ALDH1L2: variants seen among roughly 807,000 people sequenced by gnomAD.
ALDH1L2 encodes the protein aldehyde dehydrogenase 1 family member L2, also known as mitochondrial 10-formyltetrahydrofolate dehydrogenase.
A neutral mutation model predicts 111.0 loss-of-function variants in ALDH1L2; 91 were observed. That is an observed-to-expected ratio of 0.82 (90% CI 0.69 to 0.98). The LOEUF is 0.98. Among genes scored for constraint, ALDH1L2 ranks in the 50% least tolerant of loss-of-function variants. ALDH1L2 has a pLI of 0.00. For missense variants in ALDH1L2, 995 were observed against 1,126.8 expected (o/e 0.88, Z 1.67); for synonymous variants, 374 against 392.6 (o/e 0.95, Z 0.56).
intron 1 of ALDH1L2, among the ~76,000 whole-genome samples, chr12:105,080,148 C>G (rs931711088): frequency 3.3e-5 from 5 of 152,236 alleles, no homozygotes; most frequent in Admixed American, 1.3e-4. Context: ...TTCTCAGATA[C>G]CTACAAGTGA....
chr12:105,046,704 C>G lies in ALDH1L2; in HGVS notation c.1863+6G>C, dbSNP rs749672203. The G allele has an allele frequency of 1.9e-6, 3 of 1,613,302 alleles. No individual in the cohort carries two copies. In the African/African-American group the frequency reaches 4.0e-5, roughly 22 times the overall value. ...CAATTCTGCACCTGGCCCTTTGTGG[C>G]CTTACCTGTGCTGGCTTGAGCACTA... is the stretch of plus-strand genomic sequence containing the variant. On this transcript the variant is annotated splice_donor_region_variant and intron_variant, in intron 15 of 22. Coordinates refer to ENST00000258494, the MANE Select transcript of ALDH1L2 (RefSeq NM_001034173.4).
At chr12:105,029,040 T>C (rs1031462467) in intron 21 of ALDH1L2, among the ~76,000 whole-genome samples, 2 of 151,634 alleles carry the variant, frequency 1.3e-5, no homozygotes, top group Non-Finnish European at 2.9e-5. Flanking sequence ...TTTTTTTTTT[T>C]TTTAGAGGCC....
chr12:105,070,489 G>A, intron 3 of ALDH1L2, 81 bp downstream of exon 3: 1 of 1,165,220 alleles, frequency 8.6e-7, no homozygotes, highest in African/African-American at 1.6e-5. Context: ...AGGATCATTT[G>A]AGCCCAGGAG....
At position 105,068,868 on chromosome 12, in the gene ALDH1L2, C is replaced by A; in HGVS notation, c.445G>T (p.Asp149Tyr). 6.3e-7 allele frequency: 1 copy of A among 1,578,604 alleles called. No homozygotes were observed. Among genetic ancestry groups the A allele is most frequent in the Non-Finnish European group, 8.6e-7 (1 of 1,166,918 alleles). Residue 149 changes from aspartate (D) to tyrosine (Y), a missense_variant, in exon 4 of 23, where the codon GAT becomes TAT. Asp to Tyr is a radical substitution (Grantham distance 160, BLOSUM62 -3). Coordinates refer to ENST00000258494, the MANE Select transcript of ALDH1L2 (RefSeq NM_001034173.4). The stretch of plus-strand genomic sequence containing the variant: ...AAAACAGAAAACCCAGCTTTCTTAT[C>A]TCCCATAATTAGAGTCCTGTGAAAA... ...SAINWTLIMG[D>Y]KKAGFSVFWA...
intron 10 of ALDH1L2, among the ~76,000 whole-genome samples, chr12:105,057,501 C>G (rs76979651): frequency 6.6e-6 from 1 of 152,094 alleles, no homozygotes; most frequent in African/African-American, 2.4e-5. Context: ...AAGGTAGAAA[C>G]AACCCAAATG....
chr12:105,062,649 C>T (rs530006519), intron 7 of ALDH1L2, among the ~76,000 whole-genome samples: 23 of 152,278 alleles, frequency 1.5e-4, no homozygotes, highest in Middle Eastern at 3.4e-3. Context: ...CCAAGACCAG[C>T]GAGTGGGAAG....
At chr12:105,075,108 A>C (rs959916135) in intron 1 of ALDH1L2, among the ~76,000 whole-genome samples, 1 of 152,208 alleles carries the variant, frequency 6.6e-6, no homozygotes, top group African/African-American at 2.4e-5. Flanking sequence ...ACCTTACAAA[A>C]ATTTTGGCTT....
chr12:105,073,737 C>T, intron 2 of ALDH1L2, 124 bp downstream of exon 2: 1 of 1,351,330 alleles, frequency 7.4e-7, no homozygotes, highest in South Asian at 1.4e-5. Flanking sequence ...TCTTTTCCTT[C>T]CTGCTTGCTG....
rs897702512 is a variant in ALDH1L2 at position 105,066,592 on chromosome 12, A to G, written c.672T>C (p.Gly224=). The part of the protein sequence containing the change: ...PQPEEGATYE[G]IQKKENAEIS... ...CCTCAGCATTTTCCTTTTTCTGGAT[A>G]CCTTCATATGTTGCCCCTTCTTCTG... Residue 224 remains glycine (G), a synonymous_variant, in exon 5 of 23, where the codon GGT becomes GGC. Transcript: ENST00000258494. 6.2e-7 allele frequency: 1 copy of G among 1,614,136 alleles called. No homozygotes were observed. The highest frequency in any genetic ancestry group is 2.2e-5 in the East Asian group (1 of 44,886).
intron 18 of ALDH1L2, among the ~76,000 whole-genome samples, chr12:105,036,744 C>T (rs1456831988): frequency 6.6e-6 from 1 of 151,228 alleles, no homozygotes; most frequent in Non-Finnish European, 1.5e-5. Context: ...CCTGTGCATA[C>T]ATTTTATCTT....
Position 105,030,364 on chromosome 12 carries a change from ATTCCTCT to A in ALDH1L2, c.2469_2475del (p.Lys823AsnfsTer40). 1 of 1,613,750 alleles carries A rather than the reference ATTCCTCT, an allele frequency of 6.2e-7. No homozygotes were observed. Among genetic ancestry groups the A allele is most frequent in the South Asian group, 1.1e-5 (1 of 91,020 alleles). ...GAAATGACCATAATAGGCCCAAAGG[ATTCCTCT>A]TTGGCGAGGTACATGTAGTCTTCCA... On this transcript the variant is annotated frameshift_variant, in exon 21 of 23. Coordinates refer to ENST00000258494, the MANE Select transcript of ALDH1L2 (RefSeq NM_001034173.4). LOFTEE classifies it high-confidence loss of function.
At chr12:105,080,638 C>A (rs1403729956) in intron 1 of ALDH1L2, among the ~76,000 whole-genome samples, 2 of 152,138 alleles carry the variant, frequency 1.3e-5, no homozygotes, top group Non-Finnish European at 2.9e-5. Context: ...ATGCTTGGAA[C>A]CAGAAGTGTT....
chr12:105,058,126 C>T lies in ALDH1L2; in HGVS notation c.1234G>A (p.Val412Ile), dbSNP rs746328388. Residue 412 changes from valine to isoleucine, a missense_variant, in exon 10 of 23, where the codon GTC becomes ATC. Coordinates refer to ENST00000258494, the MANE Select transcript of ALDH1L2 (RefSeq NM_001034173.4). ...TCTTCTCCTCTCAGTTTCCTCACGA[C>T]CTTTTGGATAAAGCCTTCAAACTTG... ...ATKFEGFIQK[V>I]VRKLRGEDQE... The T allele has an allele frequency of 1.9e-6, 3 of 1,613,664 alleles. No homozygotes were observed. Among genetic ancestry groups the T allele is most frequent in the Non-Finnish European group, 2.5e-6 (3 of 1,179,848 alleles).
chr12:105,058,660 C>G (rs78098827), intron 9 of ALDH1L2, among the ~76,000 whole-genome samples: 6 of 152,098 alleles, frequency 3.9e-5, no homozygotes, highest in Non-Finnish European at 7.4e-5. Flanking sequence ...GTTTGTATTA[C>G]GTAGTTAACA....
intron 6 of ALDH1L2, among the ~76,000 whole-genome samples, chr12:105,063,297 A>T (rs1000512339): frequency 1.3e-5 from 2 of 152,146 alleles, no homozygotes; most frequent in Non-Finnish European, 2.9e-5. Flanking sequence ...TAACACGGTG[A>T]AACCCCGTCT....
intron 18 of ALDH1L2, among the ~76,000 whole-genome samples, 177 bp downstream of exon 18, chr12:105,037,926 G>T (rs1022745101): frequency 1.3e-5 from 2 of 151,914 alleles, no homozygotes; most frequent in Admixed American, 6.6e-5. Flanking sequence ...CACCACGCAC[G>T]GCTAATGTTT....
intron 9 of ALDH1L2, 154 bp downstream of exon 9, chr12:105,060,827 G>GAAAA (rs10674036): frequency 0.23 from 31,897 of 138,416 alleles, 5,275 homozygotes; most frequent in Non-Finnish European, 0.26. Context: ...TCCATCTCAG[G>GAAAA]AAAAAAAAAA....
intron 9 of ALDH1L2, among the ~76,000 whole-genome samples, chr12:105,059,803 A>G (rs914787284): frequency 1.6e-4 from 24 of 152,218 alleles, no homozygotes; most frequent in African/African-American, 5.5e-4. Context: ...TGCTTTGTCA[A>G]TATGAAGGAT....
chr12:105,062,418 G>C (rs1877055073), intron 7 of ALDH1L2, among the ~76,000 whole-genome samples: 1 of 152,218 alleles, frequency 6.6e-6, no homozygotes, highest in Admixed American at 6.5e-5. Context: ...GCTTCATTGG[G>C]AAGCTTCGCA....
Sources: allele counts gnomAD v4.1 joint callset (sites outside exome capture counted in the v4.1 genomes callset), GRCh38; gene constraint gnomAD v4.1.1; transcripts MANE v1.5; gene names NCBI Gene and HGNC (gene_info 2026-07-23, HGNC 2026-07-21).